REV3L: variants seen among roughly 807,000 people sequenced by gnomAD.
REV3L encodes the protein DNA polymerase zeta catalytic subunit.
Under a neutral mutation model 299.4 loss-of-function variants are expected in REV3L, and 69 were observed. The ratio of observed to expected loss-of-function variants is 0.23; its 90% confidence interval spans 0.19 to 0.28. The LOEUF (loss-of-function observed/expected upper bound fraction) is 0.28. REV3L is among the 10% of genes least tolerant of loss of function. The pLI, the probability that REV3L is intolerant of heterozygous loss-of-function variation, is 1.00. For missense variants in REV3L, 3,128 were observed against 3,693.8 expected, an observed-to-expected ratio of 0.85 and a Z score of 3.97; for synonymous variants, 1,238 against 1,271.4, an observed-to-expected ratio of 0.97 and a Z score of 0.56.
chr6:111,375,136 A>C lies in REV3L; in HGVS notation c.3219T>G (p.Thr1073=). ...GTGACCGTTTTTTCCTGAAAGACAA[A>C]GTTCTTTTAATATTTTCATTATTTG... ...QRTNNENIKR[T]LSFRKKRSHA... is the part of the protein sequence containing the mutation. Residue 1073 remains threonine, a synonymous_variant, in exon 13 of 32, where the codon ACT becomes ACG. Transcript: ENST00000368802. 6.2e-7 allele frequency: 1 copy of C among 1,608,440 alleles called. No homozygotes were observed. Among genetic ancestry groups the C allele is most frequent in the Non-Finnish European group, 8.5e-7 (1 of 1,178,484 alleles).
chr6:111,329,857 G>C (rs1296278664), intron 24 of REV3L, 119 bp from the exon 25 acceptor site: 4 of 736,258 alleles, frequency 5.4e-6, no homozygotes, highest in Non-Finnish European at 9.1e-6. Flanking sequence ...GCTAACAACA[G>C]AGTGACCATA....
intron 1 of REV3L, among the ~76,000 whole-genome samples, chr6:111,417,970 C>T (rs9487632): frequency 0.67 from 102,315 of 152,044 alleles, 36,592 homozygotes; most frequent in Non-Finnish European, 0.81. Flanking sequence ...TCCTAAATTT[C>T]ATAGTTTTTC....
chr6:111,448,822 G>A (rs1240248080), intron 1 of REV3L, among the ~76,000 whole-genome samples: 1 of 147,232 alleles, frequency 6.8e-6, no homozygotes, highest in Non-Finnish European at 1.5e-5. Flanking sequence ...ACAAAGATGA[G>A]GTCTTGGTAT....
rs115482195 is a variant in REV3L, at chr6:111,384,826, C to T, written c.1096+2939G>A. ...ATGTTTATCACAGTCCTATTCACAA[C>T]AGCCAAGATTTGGAAGCAATCTAAG... is the stretch of plus-strand genomic sequence containing the variant. On this transcript the variant is annotated intron_variant, in intron 9 of 31. Transcript: ENST00000368802. Among the ~76,000 whole-genome samples the T allele has an allele frequency of 2.1e-3, 315 of 152,282 alleles. 2 individuals are homozygous for T. Among genetic ancestry groups the T allele is most frequent in the African/African-American group, 6.4e-3 (267 of 41,568 alleles).
chr6:111,332,826 T>C (rs529643100), intron 23 of REV3L, among the ~76,000 whole-genome samples: 2 of 152,334 alleles, frequency 1.3e-5, no homozygotes, highest in Admixed American at 1.3e-4. Context: ...GTAATTTACA[T>C]CAACAATTTA....
At chr6:111,423,630 C>T (rs1362169380) in intron 1 of REV3L, among the ~76,000 whole-genome samples, 1 of 152,020 alleles carries the variant, frequency 6.6e-6, no homozygotes, top group Non-Finnish European at 1.5e-5. Context: ...TTATAAAGTT[C>T]CCTGTGGACA....
intron 1 of REV3L, among the ~76,000 whole-genome samples, chr6:111,427,574 C>T (rs1786331014): frequency 6.6e-6 from 1 of 152,138 alleles, no homozygotes; most frequent in South Asian, 2.1e-4. Flanking sequence ...AGTGAAAAAA[C>T]TCTGAGCAAA....
At chr6:111,325,238 TCAGA>T (rs1229646995) in intron 25 of REV3L, among the ~76,000 whole-genome samples, 3 of 152,174 alleles carry the variant, frequency 2.0e-5, no homozygotes, top group African/African-American at 7.2e-5. Flanking sequence ...GAAATAAAGT[TCAGA>T]CAATTTTTTA....
chr6:111,324,209 GCTGGT>G (rs1213007711), intron 25 of REV3L, among the ~76,000 whole-genome samples: 1 of 152,064 alleles, frequency 6.6e-6, no homozygotes, highest in Non-Finnish European at 1.5e-5. Context: ...TGATGGCCAG[GCTGGT>G]CTGGAACTCC....
intron 22 of REV3L, among the ~76,000 whole-genome samples, chr6:111,334,391 T>C (rs1775706294): frequency 1.3e-5 from 2 of 152,160 alleles, no homozygotes; most frequent in South Asian, 2.1e-4. Context: ...AGACTTAAGA[T>C]AGAAAATGTT....
At chr6:111,424,803 G>C (rs1785976986) in intron 1 of REV3L, among the ~76,000 whole-genome samples, 1 of 152,162 alleles carries the variant, frequency 6.6e-6, no homozygotes, top group African/African-American at 2.4e-5. Context: ...ATGCGGCAGG[G>C]TCTTTGTGGA....
chr6:111,331,012 C>T, intron 24 of REV3L: 1 of 985,160 alleles, frequency 1.0e-6, no homozygotes, highest in Non-Finnish European at 1.2e-6. Context: ...GTCCACTCTA[C>T]CATCAACCAC....
At chr6:111,359,065 C>CATGTCT in intron 16 of REV3L, 51 bp from the exon 17 acceptor site, 1 of 1,474,410 alleles carries the variant, frequency 6.8e-7, no homozygotes, top group Non-Finnish European at 9.3e-7. Flanking sequence ...TAAAGACATG[C>CATGTCT]TCAAAGAAGT....
At chr6:111,361,898 G>A (rs1238008843) in intron 16 of REV3L, among the ~76,000 whole-genome samples, 3 of 152,178 alleles carry the variant, frequency 2.0e-5, no homozygotes, top group Non-Finnish European at 4.4e-5. Context: ...CGGTTATCGG[G>A]AGGAAGAAGC....
intron 1 of REV3L, among the ~76,000 whole-genome samples, chr6:111,462,844 G>A (rs1387164459): frequency 6.6e-6 from 1 of 151,884 alleles, no homozygotes; most frequent in East Asian, 1.9e-4. Context: ...ACAAAATAAA[G>A]CCACAGAATG....
chr6:111,386,474 G>A (rs1219717905), intron 9 of REV3L, among the ~76,000 whole-genome samples: 3 of 152,154 alleles, frequency 2.0e-5, no homozygotes, highest in Admixed American at 6.5e-5. Context: ...TATAGAGCCA[G>A]AGAAACTCTC....
At chr6:111,423,536 CAG>C (rs1491378407) in intron 1 of REV3L, among the ~76,000 whole-genome samples, 2 of 151,716 alleles carry the variant, frequency 1.3e-5, no homozygotes, top group African/African-American at 2.4e-5. Flanking sequence ...GAGAGAAAAA[CAG>C]TGTGTGTGTG....
intron 18 of REV3L, among the ~76,000 whole-genome samples, chr6:111,352,816 G>T (rs577928525): frequency 6.6e-6 from 1 of 152,176 alleles, no homozygotes; most frequent in Non-Finnish European, 1.5e-5. Context: ...GACCACCTGC[G>T]TCCAATCCAG....
At chr6:111,340,924 A>G (rs916016439) in intron 21 of REV3L, among the ~76,000 whole-genome samples, 2 of 151,870 alleles carry the variant, frequency 1.3e-5, no homozygotes, top group Non-Finnish European at 2.9e-5. Flanking sequence ...ACCTAATTAA[A>G]GGTGGTAAAA....
Sources: allele counts gnomAD v4.1 joint callset (sites outside exome capture counted in the v4.1 genomes callset), GRCh38; gene constraint gnomAD v4.1.1; transcripts MANE v1.5; gene names NCBI Gene and HGNC (gene_info 2026-07-23, HGNC 2026-07-21).